PDE4D: variants seen among roughly 807,000 people sequenced by gnomAD.
PDE4D encodes 3',5'-cyclic-AMP phosphodiesterase 4D.
In PDE4D, 24 loss-of-function variants were observed where a neutral mutation model predicts 87.4. That is an observed-to-expected ratio of 0.27 (90% CI 0.20 to 0.39). The LOEUF (loss-of-function observed/expected upper bound fraction) is 0.39, where lower values mean the gene tolerates loss of function less well. PDE4D is among the 10% of genes least tolerant of loss of function. The probability of loss-of-function intolerance (pLI) is 1.00; values close to 1 mark genes in which losing one functional copy is unlikely to be tolerated. For missense variants in PDE4D, 714 were observed against 1,041.0 expected (o/e 0.69, Z 4.32); for synonymous variants, 384 against 383.2 (o/e 1.00, Z -0.02).
At chr5:58,983,443 G>A (rs1436827615) in intron 11 of PDE4D, among the ~76,000 whole-genome samples, 1 of 152,192 alleles carries the variant, frequency 6.6e-6, no homozygotes, top group East Asian at 1.9e-4. Context: ...ATATGGCTTG[G>A]CGCGTTAGAT....
chr5:60,240,064 G>A (rs1394333210), intron 1 of PDE4D, among the ~76,000 whole-genome samples: 1 of 151,910 alleles, frequency 6.6e-6, no homozygotes, highest in Non-Finnish European at 1.5e-5. Flanking sequence ...ACTCAAACAT[G>A]CCATGTTAAC....
chr5:60,183,384 A>T (rs960876865), intron 2 of PDE4D, among the ~76,000 whole-genome samples: 3 of 152,200 alleles, frequency 2.0e-5, no homozygotes, highest in Admixed American at 6.5e-5. Flanking sequence ...GAATCATAGA[A>T]ATTCATAACT....
chr5:59,008,792 G>A (rs1285729469), intron 6 of PDE4D, among the ~76,000 whole-genome samples: 1 of 152,006 alleles, frequency 6.6e-6, no homozygotes, highest in Non-Finnish European at 1.5e-5. Flanking sequence ...ACAAGCCACA[G>A]ACTTGAGAAG....
At chr5:59,393,626 T>C (rs993254381) in intron 1 of PDE4D, among the ~76,000 whole-genome samples, 6 of 152,254 alleles carry the variant, frequency 3.9e-5, no homozygotes, top group Admixed American at 6.5e-5. Context: ...TCCTCTTTTT[T>C]CTTCACTGAC....
rs539978792 is a variant in PDE4D at position 59,355,196 on chromosome 5, T to C, written c.456-139228A>G. Among the ~76,000 whole-genome samples the C allele has an allele frequency of 3.9e-4, 59 of 152,318 alleles. 2 individuals are homozygous for C. The highest frequency in any genetic ancestry group is 3.7e-3 in the Admixed American group (56 of 15,302). ...AAGGAACCTTGAAAAAATATATTTA[T>C]CATATAGCTTTAAATTGTTACAATA... On this transcript the variant is annotated intron_variant, in intron 1 of 14. Transcript: ENST00000340635.
intron 1 of PDE4D, among the ~76,000 whole-genome samples, chr5:59,240,531 T>G (rs1757425510): frequency 6.6e-6 from 1 of 152,170 alleles, no homozygotes; most frequent in Non-Finnish European, 1.5e-5. Flanking sequence ...TGTAAAACAC[T>G]AAGCTCAGCT....
intron 1 of PDE4D, among the ~76,000 whole-genome samples, chr5:60,331,793 G>C (rs78197512): frequency 0.043 from 6,612 of 152,208 alleles, 172 homozygotes; most frequent in East Asian, 0.12. Context: ...AAATTCTATG[G>C]GAGTATAAGA....
In PDE4D at chr5:60,352,452, G is replaced by A. The variant is rs140790461; in HGVS notation, c.-90+135490C>T. On this transcript the variant is annotated intron_variant, in intron 1 of 16. Transcript: ENST00000502484. ...AAAAGCAGGTAGTATGATGAGGTAAGACCAAGAGCGAAAGCTGAGGCCACA... is the reference window on the plus strand; with the variant it reads ...AAAAGCAGGTAGTATGATGAGGTAAAACCAAGAGCGAAAGCTGAGGCCACA... 2.1e-4 allele frequency among the ~76,000 whole-genome samples: 32 copies of A among 152,336 alleles called. 1 individual carries two copies. In the East Asian group the frequency reaches 6.0e-3, roughly 28 times the overall value.
intron 1 of PDE4D, among the ~76,000 whole-genome samples, chr5:60,242,053 G>A (rs1256484670): frequency 6.6e-6 from 1 of 152,000 alleles, no homozygotes; most frequent in Non-Finnish European, 1.5e-5. Flanking sequence ...TAGTATATCT[G>A]GTGCTAATAT....
rs1759233039 is a variant in PDE4D, at chr5:59,039,495, C to T, written c.809-524G>A. 3.0e-6 allele frequency: 3 copies of T among 985,476 alleles called. No individual in the cohort carries two copies. The African/African-American group carries it at 5.2e-5, about 17-fold the overall frequency. The allele number at this position is 985,476 out of a possible 1,614,324, so 61.0% of individuals were successfully genotyped here. A position where few individuals can be genotyped will look rare whatever the true frequency, so the allele number is the denominator to read the frequency against. Reference sequence around the variant, plus strand: ...TTGAAGTGAATGAATCAGCCGCGGCCGGGTGCGCGGCCACCACGTTTCCTG... The same window carrying T: ...TTGAAGTGAATGAATCAGCCGCGGCTGGGTGCGCGGCCACCACGTTTCCTG... On this transcript the variant is annotated intron_variant, in intron 5 of 14. Coordinates refer to ENST00000340635, the MANE Select transcript of PDE4D (RefSeq NM_001104631.2).
At chr5:59,291,738 GTTTTTT>G (rs57769300) in intron 1 of PDE4D, among the ~76,000 whole-genome samples, 4 of 125,576 alleles carry the variant, frequency 3.2e-5, no homozygotes, top group African/African-American at 5.7e-5. Flanking sequence ...GTAAAAAGAA[GTTTTTT>G]TTTTTTTTTT....
chr5:60,287,891 G>C (rs1363055234), intron 1 of PDE4D, among the ~76,000 whole-genome samples: 1 of 152,204 alleles, frequency 6.6e-6, no homozygotes, highest in Non-Finnish European at 1.5e-5. Context: ...CTCCAAGAGG[G>C]AGGTACCTGA....
At chr5:59,092,457 C>A (rs1412150243) in intron 5 of PDE4D, among the ~76,000 whole-genome samples, 1 of 152,092 alleles carries the variant, frequency 6.6e-6, no homozygotes, top group Non-Finnish European at 1.5e-5. Flanking sequence ...AATTTGCAAA[C>A]CTAAAAGCAT....
At chr5:59,102,027 T>C (rs11948651) in intron 5 of PDE4D, among the ~76,000 whole-genome samples, 1,603 of 151,592 alleles carry the variant, frequency 0.011, 36 homozygotes, top group African/African-American at 0.036. Context: ...TGCCCCAAAC[T>C]GAGGCTTTAT....
intron 1 of PDE4D, among the ~76,000 whole-genome samples, chr5:59,665,050 C>T (rs913717260): frequency 2.0e-5 from 3 of 152,162 alleles, no homozygotes; most frequent in Non-Finnish European, 4.4e-5. Flanking sequence ...AGTGACATGT[C>T]CCCCTGAAAT....
At chr5:59,748,301 G>C (rs1454733060) in intron 1 of PDE4D, among the ~76,000 whole-genome samples, 1 of 152,092 alleles carries the variant, frequency 6.6e-6, no homozygotes, top group Non-Finnish European at 1.5e-5. Flanking sequence ...CCATTACTGG[G>C]TACATACCCA....
At chr5:59,309,082 C>T (rs1448169845) in intron 1 of PDE4D, among the ~76,000 whole-genome samples, 1 of 152,066 alleles carries the variant, frequency 6.6e-6, no homozygotes, top group African/African-American at 2.4e-5. Flanking sequence ...AACCAAATGG[C>T]TAGTCTCACT....
At chr5:60,329,551 A>G (rs1416722207) in intron 1 of PDE4D, among the ~76,000 whole-genome samples, 1 of 152,178 alleles carries the variant, frequency 6.6e-6, no homozygotes, top group Non-Finnish European at 1.5e-5. Context: ...CAATTTCACC[A>G]TCAGTTCTAC....
intron 5 of PDE4D, among the ~76,000 whole-genome samples, chr5:59,048,517 T>C (rs1345403667): frequency 6.6e-6 from 1 of 152,198 alleles, no homozygotes; most frequent in East Asian, 1.9e-4. Context: ...GGTGTTGGTT[T>C]TAAGGTTGTT....
Sources: gnomAD v4.1 joint callset for allele counts (sites outside exome capture counted in the v4.1 genomes callset) on GRCh38, gnomAD v4.1.1 for gene constraint, MANE v1.5 for transcripts, NCBI Gene and HGNC (gene_info 2026-07-23, HGNC 2026-07-21) for gene names.